ELK3: variants seen among roughly 807,000 people sequenced by gnomAD.
ELK3 encodes ETS domain-containing protein Elk-3.
ELK3 carries 10 observed loss-of-function variants against 28.9 expected under a neutral mutation model. The ratio of observed to expected loss-of-function variants is 0.35; its 90% CI spans 0.21 to 0.59. The LOEUF (loss-of-function observed/expected upper bound fraction) is 0.59. Among genes scored for constraint, ELK3 ranks in the 20% least tolerant of loss-of-function variants. The probability of loss-of-function intolerance (pLI) is 0.82; values close to 1 mark genes in which losing one functional copy is unlikely to be tolerated. For missense variants in ELK3, 463 were observed against 517.3 expected (o/e 0.90, Z 1.02); for synonymous variants, 272 against 243.5 (o/e 1.12, Z -1.09).
intron 1 of ELK3, among the ~76,000 whole-genome samples, 181 bp downstream of exon 1, chr12:96,194,886 G>A (rs1951451064): frequency 6.8e-6 from 1 of 146,140 alleles, no homozygotes; most frequent in Non-Finnish European, 1.5e-5. Flanking sequence ...GCGGGGAGGG[G>A]GCGCCGCGGA....
chr12:96,250,331 C>T (rs1725092024), intron 3 of ELK3, among the ~76,000 whole-genome samples: 2 of 152,172 alleles, frequency 1.3e-5, no homozygotes, highest in Non-Finnish European at 1.5e-5. Context: ...GGGTGGTAGT[C>T]AGGGGTGTGG....
chr12:96,229,308 A>C (rs1951725001), intron 2 of ELK3, among the ~76,000 whole-genome samples: 1 of 152,222 alleles, frequency 6.6e-6, no homozygotes, highest in Non-Finnish European at 1.5e-5. Flanking sequence ...AAAACAACAG[A>C]AATGTGTTGT....
chr12:96,208,633 G>A lies in ELK3; in HGVS notation c.-3+13928G>A, dbSNP rs180677794. On this transcript the variant is annotated intron_variant, in intron 1 of 4. Coordinates refer to ENST00000228741, the MANE Select transcript of ELK3 (RefSeq NM_005230.4). ...TGGTGAGGAGAGACGAGTTTTGGTG[G>A]AGGCAGTAAATGAAGTGCAACCAGA... is the stretch of plus-strand genomic sequence containing the variant. Among the ~76,000 whole-genome samples the A allele has an allele frequency of 7.2e-5, 11 of 152,320 alleles. No individual in the cohort carries two copies. The East Asian group carries it at 2.1e-3, about 29-fold the overall frequency.
In ELK3 at chr12:96,197,274, T is replaced by C. The variant is rs138035906; in HGVS notation, c.-3+2569T>C. The stretch of plus-strand genomic sequence containing the variant: ...GGAGACATTTGGCAATGTCTGGAGA[T>C]GTTTTTGGTTGTTATAACTAAGGGG... On this transcript the variant is annotated intron_variant, in intron 1 of 4. Transcript: ENST00000228741. Among the ~76,000 whole-genome samples, 830 of 152,264 alleles carry C rather than the reference T, an allele frequency of 5.5e-3. 12 individuals carry two copies. The highest frequency in any genetic ancestry group is 0.018 in the African/African-American group (763 of 41,524).
chr12:96,211,656 T>C (rs1035019771), intron 1 of ELK3, among the ~76,000 whole-genome samples: 3 of 152,226 alleles, frequency 2.0e-5, no homozygotes, highest in South Asian at 2.1e-4. Context: ...TGAAACAATT[T>C]GAAATATATC....
At chr12:96,242,643 T>C (rs1951829669) in intron 2 of ELK3, among the ~76,000 whole-genome samples, 1 of 152,034 alleles carries the variant, frequency 6.6e-6, no homozygotes, top group South Asian at 2.1e-4. Flanking sequence ...TGAGCCCAGG[T>C]TGTTCCTAAT....
intron 2 of ELK3, among the ~76,000 whole-genome samples, chr12:96,229,830 G>A (rs927421692): frequency 3.3e-5 from 5 of 151,976 alleles, no homozygotes; most frequent in African/African-American, 1.2e-4. Flanking sequence ...GTGCCTGGCC[G>A]ATTTTCCTCT....
rs532151515 is a variant in ELK3 at position 96,230,476 on chromosome 12, C to T, written c.207+6703C>T. Among the ~76,000 whole-genome samples the T allele has an allele frequency of 9.2e-4, 140 of 152,194 alleles. 2 individuals are homozygous for T. Among genetic ancestry groups the T allele is most frequent in the Admixed American group, 3.5e-3 (53 of 15,280 alleles). Reference sequence around the variant, plus strand: ...TTCAGCAAATCCTAAAAGGAAACTGCTCCCCATGACAGGCACAGCACCTAG... The same window carrying T: ...TTCAGCAAATCCTAAAAGGAAACTGTTCCCCATGACAGGCACAGCACCTAG... On this transcript the variant is annotated intron_variant, in intron 2 of 4. Transcript: ENST00000228741.
intron 3 of ELK3, among the ~76,000 whole-genome samples, chr12:96,254,493 GCA>G (rs547123237): frequency 6.6e-6 from 1 of 151,754 alleles, no homozygotes; most frequent in East Asian, 1.9e-4. Flanking sequence ...CATTACAAGT[GCA>G]CACACACACA....
chr12:96,250,820 G>T (rs900907897), intron 3 of ELK3, among the ~76,000 whole-genome samples: 2 of 152,162 alleles, frequency 1.3e-5, no homozygotes, highest in African/African-American at 4.8e-5. Flanking sequence ...TTTGGAAGAG[G>T]TGAAAGCTGT....
At chr12:96,196,981 C>T (rs1418995306) in intron 1 of ELK3, among the ~76,000 whole-genome samples, 1 of 152,004 alleles carries the variant, frequency 6.6e-6, no homozygotes, top group African/African-American at 2.4e-5. Context: ...TAATGCTATG[C>T]CTTCACAGAG....
intron 1 of ELK3, among the ~76,000 whole-genome samples, chr12:96,210,054 TATTA>T (rs1386272025): frequency 1.3e-5 from 2 of 152,158 alleles, no homozygotes; most frequent in Admixed American, 1.3e-4. Flanking sequence ...ATTGTATTGA[TATTA>T]ATAGTACAAA....
In ELK3 at chr12:96,247,232, A is replaced by C. The variant is rs945114536; in HGVS notation, c.500A>C (p.Glu167Ala). ...AFKAIKTEKL[E>A]EPPEDSPPVE... The stretch of plus-strand genomic sequence containing the variant: ...AAGGCCATCAAGACGGAGAAGCTGG[A>C]GGAGCCGCCCGAAGACAGCCCCCCC... Residue 167 changes from glutamate (E) to alanine (A), a missense_variant, in exon 3 of 5, where the codon GAG (glutamate) becomes GCG (alanine). By Grantham distance (107) the Glu-to-Ala change is moderately radical (BLOSUM62 -1). Coordinates refer to ENST00000228741, the MANE Select transcript of ELK3 (RefSeq NM_005230.4). The surrounding 1 kb of genome is among the most constrained non-coding windows in gnomAD (Gnocchi z 5.5). 1.2e-6 allele frequency: 2 copies of C among 1,614,222 alleles called. No homozygotes were observed. Among genetic ancestry groups the C allele is most frequent in the African/African-American group, 2.7e-5 (2 of 75,058 alleles).
chr12:96,219,619 C>G (rs982278528), intron 1 of ELK3, among the ~76,000 whole-genome samples: 1 of 152,200 alleles, frequency 6.6e-6, no homozygotes, highest in Non-Finnish European at 1.5e-5. Flanking sequence ...CTACCCAAAC[C>G]TCTGCCACAG....
In ELK3 at chr12:96,268,332, G is replaced by C. The variant is rs981694063; in HGVS notation, c.*1152G>C. ...ACTGAGAGAGGATACACTGCTTTATGTATTACTAAAGTTAGGGGAGAATGA... is the reference window on the plus strand; with the variant it reads ...ACTGAGAGAGGATACACTGCTTTATCTATTACTAAAGTTAGGGGAGAATGA... On this transcript the variant is annotated 3_prime_UTR_variant, in exon 5 of 5. Coordinates refer to ENST00000228741, the MANE Select transcript of ELK3 (RefSeq NM_005230.4). 6.6e-6 allele frequency: 1 copy of C among 152,156 alleles called. No homozygotes were observed. Among genetic ancestry groups the C allele is most frequent in the Non-Finnish European group, 1.5e-5 (1 of 67,998 alleles). The allele number at this position is 152,156 out of a possible 1,614,324, so 9.4% of individuals were successfully genotyped here.
At chr12:96,233,979 C>T (rs535280797) in intron 2 of ELK3, among the ~76,000 whole-genome samples, 28 of 152,124 alleles carry the variant, frequency 1.8e-4, no homozygotes, top group Admixed American at 3.9e-4. Context: ...TGCCTGGGGG[C>T]GCAGGGGATG....
At chr12:96,257,076 T>A (rs1951955761) in intron 3 of ELK3, among the ~76,000 whole-genome samples, 1 of 152,196 alleles carries the variant, frequency 6.6e-6, no homozygotes. Flanking sequence ...AAAACGAGAC[T>A]GTCTTTGGGG....
intron 1 of ELK3, among the ~76,000 whole-genome samples, chr12:96,195,300 C>T (rs996303137): frequency 1.3e-5 from 2 of 152,172 alleles, no homozygotes; most frequent in Non-Finnish European, 2.9e-5. Context: ...CGTCCACTCT[C>T]GCTTGGCAGG....
intron 1 of ELK3, among the ~76,000 whole-genome samples, chr12:96,197,534 CTCTT>C (rs560787541): frequency 5.1e-4 from 78 of 152,318 alleles, no homozygotes; most frequent in Admixed American, 2.2e-3. Context: ...CATGAATTTT[CTCTT>C]TCTCTTTTTG....
Sources: gnomAD v4.1 joint callset for allele counts (sites outside exome capture counted in the v4.1 genomes callset) on GRCh38, gnomAD v4.1.1 for gene constraint, Gnocchi (gnomAD v3.1) non-coding constraint, MANE v1.5 for transcripts, NCBI Gene and HGNC (gene_info 2026-07-23, HGNC 2026-07-21) for gene names.